Variants in RNF128 observed in about 807,000 individuals in gnomAD.
The protein encoded by RNF128 is ring finger protein 128.
A neutral mutation model predicts 26.2 loss-of-function variants in RNF128; 13 were observed. The ratio of observed to expected loss-of-function variants is 0.50; its 90% confidence interval spans 0.32 to 0.79. RNF128 has a LOEUF of 0.79. RNF128 is among the 30% of genes least tolerant of loss of function. The pLI is 0.03. For missense variants in RNF128, 315 were observed against 349.7 expected (o/e 0.90, Z 0.79); for synonymous variants, 149 against 142.5 (o/e 1.05, Z -0.32).
At chrX:106,770,480 T>C (rs1320686283) in intron 1 of RNF128, among the ~76,000 whole-genome samples, 3 of 111,395 alleles carry the variant, frequency 2.7e-5, no homozygotes, top group African/African-American at 9.8e-5. Flanking sequence ...CTTCTCTTCT[T>C]GCTTCATTTC....
intron 1 of RNF128, among the ~76,000 whole-genome samples, chrX:106,706,430 A>C (rs1929044643): frequency 8.9e-6 from 1 of 112,041 alleles, no homozygotes; most frequent in Admixed American, 9.5e-5. Context: ...TTCACTCAAC[A>C]AATGTTTACT....
At chrX:106,790,367 A>G (rs1178796148) in intron 5 of RNF128, 85 bp downstream of exon 5, 2 of 614,452 alleles carry the variant, frequency 3.3e-6, no homozygotes, top group East Asian at 3.4e-5. Context: ...TTTTTTCGCT[A>G]TGTAATACAC....
At position 106,717,210 on chromosome X, in the gene RNF128, A is replaced by G. The variant is rs763966902; in HGVS notation, c.406+22802A>G. Among the ~76,000 whole-genome samples, 4 of 111,130 alleles carry G rather than the reference A, an allele frequency of 3.6e-5. No homozygotes were observed. The South Asian group carries it at 1.5e-3, about 42-fold the overall frequency. Reference sequence around the variant, plus strand: ...AGAGCGAGACTCCGTCTCAAAAAAAAAAAAAGAAAGAAAGAAATTTATATT... The same window carrying G: ...AGAGCGAGACTCCGTCTCAAAAAAAGAAAAAGAAAGAAAGAAATTTATATT... On this transcript the variant is annotated intron_variant, in intron 1 of 6. Coordinates refer to the RNF128 transcript ENST00000324342.
At position 106,757,667 on chromosome X, in the gene RNF128, C is replaced by T. The variant is rs375024390; in HGVS notation, c.485-15246C>T. ...AGTTAGTGGGTGCAGCGCACCAGCA[C>T]GGCACATGTATACATATGTAACTAA... On this transcript the variant is annotated intron_variant, in intron 1 of 6. Coordinates refer to ENST00000255499, the MANE Select transcript of RNF128 (RefSeq NM_194463.2). 9.2e-5 allele frequency among the ~76,000 whole-genome samples: 9 copies of T among 97,400 alleles called. No homozygotes were observed. In the East Asian group the frequency reaches 1.0e-3, roughly 11 times the overall value. 84.6% of individuals were successfully genotyped at this position (97,400 alleles called of 115,157 possible).
intron 1 of RNF128, among the ~76,000 whole-genome samples, chrX:106,771,021 C>T (rs994404069): frequency 8.0e-5 from 9 of 112,383 alleles, no homozygotes; most frequent in African/African-American, 2.9e-4. Context: ...TGGAGGTCTA[C>T]TCCAGACCCT....
At chrX:106,794,038 C>T (rs1470231345) in intron 6 of RNF128, among the ~76,000 whole-genome samples, 1 of 111,632 alleles carries the variant, frequency 9.0e-6, no homozygotes, top group East Asian at 2.8e-4. Context: ...TTCTTGCTTG[C>T]AGTAATTATT....
chrX:106,736,059 G>A (rs1019751010), intron 1 of RNF128, among the ~76,000 whole-genome samples: 3 of 110,721 alleles, frequency 2.7e-5, no homozygotes, highest in African/African-American at 9.8e-5. Flanking sequence ...AGCTCAATAT[G>A]AAGAATTCAA....
intron 1 of RNF128, among the ~76,000 whole-genome samples, chrX:106,756,283 A>G (rs1009801024): frequency 9.0e-6 from 1 of 111,444 alleles, no homozygotes; most frequent in African/African-American, 3.3e-5. Context: ...CACCAAGTCA[A>G]TCCTAAACCA....
At chrX:106,742,265 T>A (rs1337285345) in intron 1 of RNF128, among the ~76,000 whole-genome samples, 1 of 112,203 alleles carries the variant, frequency 8.9e-6, no homozygotes, top group African/African-American at 3.2e-5. Context: ...TTTCTCTGCA[T>A]GGTAAAGGAT....
At chrX:106,709,415 C>A (rs768156855) in intron 1 of RNF128, among the ~76,000 whole-genome samples, 9 of 111,908 alleles carry the variant, frequency 8.0e-5, no homozygotes, top group African/African-American at 2.9e-4. Flanking sequence ...AGCAATAATA[C>A]GTTATGAATC....
At chrX:106,753,642 T>C (rs1315271901) in intron 1 of RNF128, among the ~76,000 whole-genome samples, 1 of 111,384 alleles carries the variant, frequency 9.0e-6, no homozygotes, top group Non-Finnish European at 1.9e-5. Context: ...GAATAAACTT[T>C]TCAATCAAAA....
chrX:106,768,609 C>A (rs770922558), intron 1 of RNF128, among the ~76,000 whole-genome samples: 1 of 111,346 alleles, frequency 9.0e-6, no homozygotes, highest in Admixed American at 9.6e-5. Context: ...TCTCTCTTTT[C>A]TTCTTTATTT....
At chrX:106,695,942 C>T (rs995920892) in intron 1 of RNF128, among the ~76,000 whole-genome samples, 15 of 111,348 alleles carry the variant, frequency 1.3e-4, no homozygotes, top group African/African-American at 4.9e-4. Flanking sequence ...GGTACCCTGC[C>T]AGTAAATTTG....
chrX:106,694,329 G>A (rs371282965), exon 1 of RNF128: 105 of 1,207,516 alleles, frequency 8.7e-5, no homozygotes, highest in East Asian at 1.5e-4. Context: ...TTCAAACAGC[G>A]GGCAGAAGAA....
chrX:106,767,904 ATTGAGAGT>A (rs1930283156), intron 1 of RNF128, among the ~76,000 whole-genome samples: 2 of 111,888 alleles, frequency 1.8e-5, no homozygotes, highest in South Asian at 7.5e-4. Context: ...TACCTAGTTT[ATTGAGAGT>A]TTTTAGCATG....
intron 1 of RNF128, among the ~76,000 whole-genome samples, chrX:106,743,351 G>A (rs1260980426): frequency 8.9e-6 from 1 of 111,881 alleles, no homozygotes; most frequent in Non-Finnish European, 1.9e-5. Context: ...TTTTGTTATT[G>A]TTTTATCTTG....
intron 1 of RNF128, among the ~76,000 whole-genome samples, chrX:106,700,402 A>G (rs1928940127): frequency 8.9e-6 from 1 of 111,745 alleles, no homozygotes; most frequent in African/African-American, 3.3e-5. Context: ...CACGTCTGTC[A>G]TGTTTGCCAT....
chrX:106,735,093 A>T (rs1177522875), intron 1 of RNF128, among the ~76,000 whole-genome samples: 1 of 111,610 alleles, frequency 9.0e-6, no homozygotes, highest in African/African-American at 3.3e-5. Flanking sequence ...CCTTCCATGC[A>T]CCATAGCACG....
At chrX:106,756,673 A>G (rs1305777393) in intron 1 of RNF128, among the ~76,000 whole-genome samples, 3 of 110,381 alleles carry the variant, frequency 2.7e-5, no homozygotes, top group Non-Finnish European at 1.9e-5. Flanking sequence ...GGACATAGGC[A>G]TGGGAAAGGA....
Sources: allele counts gnomAD v4.1 joint callset (sites outside exome capture counted in the v4.1 genomes callset), GRCh38; gene constraint gnomAD v4.1.1; transcripts MANE v1.5; gene names NCBI Gene and HGNC (gene_info 2026-07-23, HGNC 2026-07-21).